Variants in BACE1 observed in about 807,000 individuals in gnomAD.
BACE1 encodes the protein APP beta-secretase.
Under a neutral mutation model 54.0 loss-of-function variants are expected in BACE1, and 21 were observed. That is an observed-to-expected ratio of 0.39 (90% CI 0.28 to 0.56). The LOEUF is 0.56. Ranked by LOEUF, BACE1 falls within the 20% of genes least tolerant of loss-of-function variation. The probability of loss-of-function intolerance (pLI) is 0.63; values close to 1 mark genes in which losing one functional copy is unlikely to be tolerated. For synonymous variants in BACE1, 232 were observed against 260.9 expected, an observed-to-expected ratio of 0.89 and a Z score of 1.07; for missense variants, 511 against 661.2, an observed-to-expected ratio of 0.77 and a Z score of 2.49.
chr11:117,300,601 C>T (rs1384094774), intron 1 of BACE1, among the ~76,000 whole-genome samples: 1 of 152,200 alleles, frequency 6.6e-6, no homozygotes, highest in Non-Finnish European at 1.5e-5. Context: ...CAGCTGGGTT[C>T]CCCTCTCGGG....
intron 1 of BACE1, chr11:117,297,221 C>A: frequency 4.6e-6 from 2 of 433,176 alleles, no homozygotes; most frequent in Non-Finnish European, 4.1e-6. Flanking sequence ...TGAAAAAAGG[C>A]AGATTAGTAG....
At chr11:117,291,866 T>C in intron 5 of BACE1, 53 bp from the exon 6 acceptor site, 1 of 1,415,280 alleles carries the variant, frequency 7.1e-7, no homozygotes, top group South Asian at 1.2e-5. Flanking sequence ...GATGCTGGGC[T>C]CTGGGCAGTA....
rs1476305749 is a variant in BACE1 at position 117,288,980 on chromosome 11, T to A, written c.*586A>T. ...CTTTGTACTCCCTCTCCTTCTCCTC[T>A]TTCCAGCCGCCCCCATTTGTATAAA... On this transcript the variant is annotated 3_prime_UTR_variant, in exon 9 of 9. Transcript: ENST00000313005. 2 of 153,916 alleles carry A rather than the reference T, an allele frequency of 1.3e-5. No individual in the cohort carries two copies. Among genetic ancestry groups the A allele is most frequent in the Non-Finnish European group, 2.9e-5 (2 of 68,976 alleles). 9.5% of individuals were successfully genotyped at this position (153,916 alleles called of 1,614,324 possible).
At chr11:117,297,035 G>T in intron 1 of BACE1, 74 bp from the exon 2 acceptor site, 1 of 1,111,746 alleles carries the variant, frequency 9.0e-7, no homozygotes, top group Non-Finnish European at 1.4e-6. Context: ...TATCCCTCAC[G>T]CCCCAGCCAC....
rs375337325 is a variant in BACE1 at position 117,297,008 on chromosome 11, G to A, written c.262-47C>T. ...AAAGACAGTATAGACAGGAGGCTTC[G>A]GTCACACCACCTTTATTATCCCTCA... On this transcript the variant is annotated intron_variant, in intron 1 of 8. Transcript: ENST00000313005. The A allele has an allele frequency of 1.2e-3, 1,746 of 1,398,392 alleles. 20 individuals carry two copies. Among genetic ancestry groups the A allele is most frequent in the South Asian group, 0.012 (990 of 86,056 alleles). The allele number at this position is 1,398,392 out of a possible 1,614,324, so 86.6% of individuals were successfully genotyped here. A position where few individuals can be genotyped will look rare whatever the true frequency, so the allele number is the denominator to read the frequency against.
intron 1 of BACE1, among the ~76,000 whole-genome samples, chr11:117,308,532 G>A (rs1390097346): frequency 6.6e-6 from 1 of 152,170 alleles, no homozygotes; most frequent in Non-Finnish European, 1.5e-5. Context: ...CTTCTTAACA[G>A]AATCACTTTG....
intron 1 of BACE1, among the ~76,000 whole-genome samples, chr11:117,301,272 C>T (rs1035385934): frequency 5.3e-5 from 8 of 152,154 alleles, no homozygotes; most frequent in East Asian, 3.8e-4. Context: ...TTTGAGCTCC[C>T]GACGCACGCA....
chr11:117,307,565 G>A lies in BACE1; in HGVS notation c.261+7970C>T, dbSNP rs1250754389. Among the ~76,000 whole-genome samples the A allele has an allele frequency of 4.6e-5, 7 of 152,304 alleles. 1 individual carries two copies. In the South Asian group the frequency reaches 1.5e-3, roughly 32 times the overall value. On this transcript the variant is annotated intron_variant, in intron 1 of 8. Coordinates refer to ENST00000313005, the MANE Select transcript of BACE1 (RefSeq NM_012104.6). ...GACCTCAGGTGATCTGCCTGCCTCG[G>A]CCTCCCAAAGTGCTGGGATTACAGG... is the stretch of plus-strand genomic sequence containing the variant.
At position 117,293,662 on chromosome 11, in the gene BACE1, C is replaced by G; in HGVS notation, c.705+209G>C. On this transcript the variant is annotated intron_variant, in intron 4 of 8. Coordinates refer to ENST00000313005, the MANE Select transcript of BACE1 (RefSeq NM_012104.6). The surrounding 1 kb of genome is among the most constrained non-coding windows in gnomAD (Gnocchi z 4.1). ...AAATTTTCCTAATTGCCTTCCTTTC[C>G]AAGTTTACCATAGGTGCCTTGATTC... The G allele has an allele frequency of 2.2e-6, 1 of 450,752 alleles. No homozygotes were observed. The highest frequency in any genetic ancestry group is 3.9e-5 in the East Asian group (1 of 25,532). 27.9% of individuals were successfully genotyped at this position (450,752 alleles called of 1,614,324 possible).
chr11:117,291,772 G>A lies in BACE1; in HGVS notation c.882C>T (p.Asn294=), dbSNP rs61903702. 1.2e-6 allele frequency: 2 copies of A among 1,613,456 alleles called. No homozygotes were observed. Among genetic ancestry groups the A allele is most frequent in the Non-Finnish European group, 1.7e-6 (2 of 1,179,548 alleles). Reference sequence around the variant, plus strand: ...CAAACACTTTCTTGGGCAAACGAAGGTTGGTGGTGCCACTGTCCACAATGC... The same window carrying A: ...CAAACACTTTCTTGGGCAAACGAAGATTGGTGGTGCCACTGTCCACAATGC... ...DKSIVDSGTT[N]LRLPKKVFEA... The change falls in exon 6 of 9, where the codon AAC becomes AAT. Residue 294 remains asparagine, a synonymous_variant. Coordinates refer to ENST00000313005, the MANE Select transcript of BACE1 (RefSeq NM_012104.6).
intron 1 of BACE1, among the ~76,000 whole-genome samples, chr11:117,310,805 A>AAT (rs1254403369): frequency 6.6e-6 from 1 of 152,204 alleles, no homozygotes; most frequent in Non-Finnish European, 1.5e-5. Flanking sequence ...AAGCAGGTGT[A>AAT]ATGGGAGAAT....
intron 1 of BACE1, among the ~76,000 whole-genome samples, chr11:117,308,127 C>T (rs1481035533): frequency 2.0e-5 from 3 of 151,944 alleles, no homozygotes; most frequent in Non-Finnish European, 2.9e-5. Context: ...TCTCCCTCAC[C>T]GCTGAGGTCC....
intron 1 of BACE1, among the ~76,000 whole-genome samples, chr11:117,307,919 G>C (rs142069620): frequency 6.6e-4 from 101 of 152,214 alleles, no homozygotes; most frequent in African/African-American, 2.3e-3. Context: ...AATTTGGAGG[G>C]TGGTTCTTTG....
chr11:117,306,636 C>T (rs1047175018), intron 1 of BACE1, among the ~76,000 whole-genome samples: 1 of 151,958 alleles, frequency 6.6e-6, no homozygotes, highest in Non-Finnish European at 1.5e-5. Flanking sequence ...AGTGAAACCC[C>T]GTCTCTACCA....
chr11:117,289,455 G>A lies in BACE1; in HGVS notation c.*111C>T, dbSNP rs528381748. ...GGCAGAGGCATTTGGTGGGTGGGGA[G>A]GGTCCTGAGGTGCTCTGGCCACAGG... On this transcript the variant is annotated 3_prime_UTR_variant, in exon 9 of 9. Transcript: ENST00000313005. 2.0e-6 allele frequency: 3 copies of A among 1,474,260 alleles called. No homozygotes were observed. In the African/African-American group the frequency reaches 4.2e-5, roughly 21 times the overall value. 91.3% of individuals were successfully genotyped at this position (1,474,260 alleles called of 1,614,324 possible).
At chr11:117,307,475 C>G (rs1452027626) in intron 1 of BACE1, among the ~76,000 whole-genome samples, 1 of 152,148 alleles carries the variant, frequency 6.6e-6, no homozygotes, top group Non-Finnish European at 1.5e-5. Context: ...CCATGCCCAG[C>G]TAATTTTTGT....
chr11:117,292,994 T>G (rs1415339737), intron 5 of BACE1, 60 bp downstream of exon 5: 5 of 1,580,316 alleles, frequency 3.2e-6, no homozygotes, highest in Non-Finnish European at 4.3e-6. Flanking sequence ...AACCAGAGTC[T>G]TCCTTCACAT....
intron 7 of BACE1, 25 bp downstream of exon 7, chr11:117,290,875 C>T (rs2034407602): frequency 1.2e-6 from 2 of 1,609,612 alleles, no homozygotes; most frequent in Non-Finnish European, 8.5e-7. Context: ...TAAGAGAGAT[C>T]CCCCTGACTC....
chr11:117,289,732 A>C lies in BACE1; in HGVS notation c.1340T>G (p.Ile447Ser). ...GAGGGTTGACTCATCTGTCTGTGGA[A>C]TGTTGTAGCCACAGTCTTCCATGTC... ...TLDMEDCGYNIPQTDESTLMT... is the reference protein window; with the variant it reads ...TLDMEDCGYNSPQTDESTLMT... Residue 447 changes from isoleucine (I) to serine (S), a missense_variant, in exon 9 of 9, where the codon ATT (isoleucine) becomes AGT (serine). Coordinates refer to ENST00000313005, the MANE Select transcript of BACE1 (RefSeq NM_012104.6). The C allele has an allele frequency of 6.2e-7, 1 of 1,614,196 alleles. No individual in the cohort carries two copies. The highest frequency in any genetic ancestry group is 2.2e-5 in the East Asian group (1 of 44,884).
Sources: allele counts gnomAD v4.1 joint callset (sites outside exome capture counted in the v4.1 genomes callset), GRCh38; gene constraint gnomAD v4.1.1; non-coding constraint Gnocchi (gnomAD v3.1); transcripts MANE v1.5; gene names NCBI Gene and HGNC (gene_info 2026-07-23, HGNC 2026-07-21).